MAP3K6: variants seen among roughly 807,000 people sequenced by gnomAD.
The protein encoded by MAP3K6 is apoptosis signal-regulating kinase 2.
Under a neutral mutation model 147.1 loss-of-function variants are expected in MAP3K6, and 105 were observed. The ratio of observed to expected loss-of-function variants is 0.71; its 90% CI spans 0.61 to 0.84. MAP3K6 has a LOEUF of 0.84. Among genes scored for constraint, MAP3K6 ranks in the 40% least tolerant of loss-of-function variants. The pLI is 0.00. For missense variants in MAP3K6, 1,569 were observed against 1,715.0 expected (o/e 0.91, Z 1.50); for synonymous variants, 695 against 732.4 (o/e 0.95, Z 0.82).
chr1:27,364,698 ACAGT>A lies in MAP3K6; in HGVS notation c.481-18_481-15del. On this transcript the variant is annotated splice_polypyrimidine_tract_variant and intron_variant, in intron 2 of 28. Transcript: ENST00000357582. The surrounding 1 kb of genome is among the most constrained non-coding windows in gnomAD (Gnocchi z 4.4). ...GAAAACATCCTCCTGCAGGAGGCAG[ACAGT>A]CAGATACTGGTGTTCTGTGTAGGCC... 2 of 1,614,154 alleles carry A rather than the reference ACAGT, an allele frequency of 1.2e-6. No individual in the cohort carries two copies. The highest frequency in any genetic ancestry group is 1.7e-6 in the Non-Finnish European group (2 of 1,180,012).
chr1:27,362,771 G>T lies in MAP3K6; in HGVS notation c.1143-18C>A. On this transcript the variant is annotated intron_variant, in intron 7 of 28. Transcript: ENST00000357582. Reference sequence around the variant, plus strand: ...TGCGATACCTGGGGTGGGGGTAGGGGGCACAGGGCTGGACTGATGCCCACA... The same window carrying T: ...TGCGATACCTGGGGTGGGGGTAGGGTGCACAGGGCTGGACTGATGCCCACA... 6.2e-7 allele frequency: 1 copy of T among 1,612,512 alleles called. No homozygotes were observed. Among genetic ancestry groups the T allele is most frequent in the African/African-American group, 1.3e-5 (1 of 75,020 alleles).
chr1:27,355,359 C>T lies in MAP3K6; in HGVS notation c.*32G>A, dbSNP rs773239731. On this transcript the variant is annotated 3_prime_UTR_variant, in exon 29 of 29. Coordinates refer to ENST00000357582, the MANE Select transcript of MAP3K6 (RefSeq NM_004672.5). ...TCCTCTCCATTCATCCATCCTTGGG[C>T]CTGTCTGGCCTATGATGCCCTCATT... The T allele has an allele frequency of 3.8e-6, 6 of 1,585,932 alleles. No individual in the cohort carries two copies. The highest frequency in any genetic ancestry group is 5.2e-6 in the Non-Finnish European group (6 of 1,154,476).
rs774203365 is a variant in MAP3K6, at chr1:27,361,760, A to AAGAAGTGGAGCC, written c.1511_1522dup (p.Trp504_Phe507dup). Reference sequence around the variant, plus strand: ...CTTGAATGGTTGGCAGGACTGTAGCAAGAAGTGGAGCCAGAAGTGGGCACG... The same window carrying AAGAAGTGGAGCC: ...CTTGAATGGTTGGCAGGACTGTAGCAAGAAGTGGAGCCAGAAGTGGAGCCAGAAGTGGGCACG... On this transcript the variant is annotated inframe_insertion, in exon 10 of 29. Transcript: ENST00000357582. The AAGAAGTGGAGCC allele has an allele frequency of 1.1e-5, 17 of 1,613,162 alleles. No individual in the cohort carries two copies. The highest frequency in any genetic ancestry group is 5.0e-5 in the Admixed American group (3 of 59,938).
Position 27,355,805 on chromosome 1 carries a change from G to A in MAP3K6, c.3712-60C>T, listed in dbSNP as rs908874026. On this transcript the variant is annotated intron_variant, in intron 27 of 28. Transcript: ENST00000357582. ...ATAAGAAATTACAGAAAGATGTGTC[G>A]AGACCCAGGTACTAGCTCTGCTCTG... is the stretch of plus-strand genomic sequence containing the variant. 66 of 1,511,516 alleles carry A rather than the reference G, an allele frequency of 4.4e-5. No homozygotes were observed. The South Asian group carries it at 5.8e-4, about 13-fold the overall frequency. The allele number at this position is 1,511,516 out of a possible 1,614,324, so 93.6% of individuals were successfully genotyped here. A position where few individuals can be genotyped will look rare whatever the true frequency, so the allele number is the denominator to read the frequency against.
chr1:27,355,247 C>G lies in MAP3K6; in HGVS notation c.*144G>C. On this transcript the variant is annotated 3_prime_UTR_variant, in exon 29 of 29. Transcript: ENST00000357582. ...GCTTGGGTGCCTGTGGTTGGTTTCT[C>G]TCACTGGAACCAGTCCTGGGCCCCA... The G allele has an allele frequency of 1.3e-6, 1 of 786,672 alleles. No individual in the cohort carries two copies. The allele number at this position is 786,672 out of a possible 1,614,324, so 48.7% of individuals were successfully genotyped here. A position where few individuals can be genotyped will look rare whatever the true frequency, so the allele number is the denominator to read the frequency against.
chr1:27,355,859 C>T, intron 27 of MAP3K6, 114 bp from the exon 28 acceptor site: 2 of 1,163,440 alleles, frequency 1.7e-6, no homozygotes, highest in South Asian at 1.3e-5. Flanking sequence ...AGATCACACC[C>T]TTCTGGGCCT....
rs1458639534 is a variant in MAP3K6, at chr1:27,361,168, CCCT to C, written c.1818_1820del (p.Gly607del). On this transcript the variant is annotated inframe_deletion, in exon 13 of 29. Coordinates refer to ENST00000357582, the MANE Select transcript of MAP3K6 (RefSeq NM_004672.5). ...GAAAGGCTGCGCACCACTGGCAGTG[CCCT>C]ACGCTGGGGAAGCACAGCTGGACGT... 14 of 1,610,470 alleles carry C rather than the reference CCCT, an allele frequency of 8.7e-6. No homozygotes were observed. The highest frequency in any genetic ancestry group is 1.7e-5 in the Admixed American group (1 of 59,474).
rs1300941196 is a variant in MAP3K6 at position 27,366,470 on chromosome 1, C to A, written c.128G>T (p.Arg43Leu). The A allele has an allele frequency of 3.4e-6, 4 of 1,160,404 alleles. No individual in the cohort carries two copies. The highest frequency in any genetic ancestry group is 4.2e-6 in the Non-Finnish European group (4 of 942,682). 71.9% of individuals were successfully genotyped at this position (1,160,404 alleles called of 1,614,324 possible). ...APPGRGCARS[R>L]PLSVVYVLTR... ...CAGCACGTAGACCACGCTGAGCGGC[C>A]GGCTCCGCGCGCAGCCCCGGCCCGG... Residue 43 changes from arginine (R) to leucine (L), a missense_variant, in exon 1 of 29, where the codon CGG (arginine) becomes CTG (leucine). By Grantham distance (102) the Arg-to-Leu change is moderately radical (BLOSUM62 -2). Transcript: ENST00000357582. The surrounding 1 kb of genome is among the most constrained non-coding windows in gnomAD (Gnocchi z 5.5).
In MAP3K6 at chr1:27,364,616, C is replaced by T. The variant is rs376074584; in HGVS notation, c.504+45G>A. ...GATTAGTGGAGGTCAGAGGTCATAGCGGAAGTCAAAGGGCACTTTTGAGTG... is the reference window on the plus strand; with the variant it reads ...GATTAGTGGAGGTCAGAGGTCATAGTGGAAGTCAAAGGGCACTTTTGAGTG... On this transcript the variant is annotated intron_variant, in intron 3 of 28. Transcript: ENST00000357582. This position sits in a 1 kb window ranked among gnomAD's most constrained non-coding sequence, Gnocchi z 4.4. The T allele has an allele frequency of 1.3e-4, 202 of 1,613,744 alleles. No homozygotes were observed. The highest frequency in any genetic ancestry group is 1.6e-4 in the Middle Eastern group (1 of 6,084).
chr1:27,361,927 G>C, intron 9 of MAP3K6, 60 bp from the exon 10 acceptor site: 1 of 1,495,142 alleles, frequency 6.7e-7, no homozygotes, highest in Non-Finnish European at 8.9e-7. Flanking sequence ...GCCAGGGAGA[G>C]GAAACTGGCC....
Position 27,364,361 on chromosome 1 carries a change from C to T in MAP3K6, c.538G>A (p.Val180Met). 5 of 1,614,140 alleles carry T rather than the reference C, an allele frequency of 3.1e-6. No homozygotes were observed. Among genetic ancestry groups the T allele is most frequent in the Admixed American group, 3.3e-5 (2 of 60,030 alleles). ...AGCACCCGACCAGTGGCCGTCACCA[C>T]ATAGGGGATCAGTGTGTAGCTGCCA... ...CVGSYTLIPY[V>M]VTATGRVLCG... The change falls in exon 4 of 29, where the codon GTG becomes ATG. Residue 180 changes from valine to methionine, a missense_variant. Physicochemically the swap from Val to Met is conservative, Grantham distance 21 (BLOSUM62 1). Coordinates refer to ENST00000357582, the MANE Select transcript of MAP3K6 (RefSeq NM_004672.5). The surrounding 1 kb of genome is among the most constrained non-coding windows in gnomAD (Gnocchi z 4.4).
In MAP3K6 at chr1:27,361,165, G is replaced by C. The variant is rs2015748736; in HGVS notation, c.1824C>G (p.His608Gln). The change falls in exon 13 of 29, where the codon CAC becomes CAG. Residue 608 changes from histidine to glutamine, a missense_variant. His to Gln is a conservative substitution (Grantham distance 24). Transcript: ENST00000357582. ...CATGAAAGGCTGCGCACCACTGGCA[G>C]TGCCCTACGCTGGGGAAGCACAGCT... The part of the protein sequence containing the change: ...DVQLCFPSVG[H>Q]CQWFCGLIQA... The C allele has an allele frequency of 1.2e-6, 2 of 1,610,090 alleles. No individual in the cohort carries two copies. The highest frequency in any genetic ancestry group is 1.7e-4 in the Middle Eastern group (1 of 6,020).
chr1:27,362,446 T>C (rs552192041), intron 8 of MAP3K6, among the ~76,000 whole-genome samples, 195 bp downstream of exon 8: 1 of 152,158 alleles, frequency 6.6e-6, no homozygotes, highest in South Asian at 2.1e-4. Flanking sequence ...AGATGTGAGT[T>C]TGGGAACATT....
At position 27,355,307 on chromosome 1, in the gene MAP3K6, G is replaced by T. The variant is rs780685706; in HGVS notation, c.*84C>A. On this transcript the variant is annotated 3_prime_UTR_variant, in exon 29 of 29. Coordinates refer to ENST00000357582, the MANE Select transcript of MAP3K6 (RefSeq NM_004672.5). The stretch of plus-strand genomic sequence containing the variant: ...CTTCCTCCAGTCGCCCCAGGTCCTG[G>T]GGCTGGTGTGTCAGAAGCTGCCTTT... The T allele has an allele frequency of 8.4e-6, 11 of 1,315,090 alleles. No homozygotes were observed. Among genetic ancestry groups the T allele is most frequent in the Non-Finnish European group, 1.2e-5 (11 of 907,398 alleles). The allele number at this position is 1,315,090 out of a possible 1,614,324, so 81.5% of individuals were successfully genotyped here.
At chr1:27,356,920 C>T in intron 24 of MAP3K6, 89 bp downstream of exon 24, 1 of 1,467,548 alleles carries the variant, frequency 6.8e-7, no homozygotes, top group South Asian at 1.2e-5. Flanking sequence ...CCTGTCCCGC[C>T]TGGCCCCCAC....
chr1:27,359,921 G>C lies in MAP3K6; in HGVS notation c.2256C>G (p.Thr752=). Residue 752 remains threonine (T), a synonymous_variant, in exon 17 of 29, where the codon ACC becomes ACG. Coordinates refer to ENST00000357582, the MANE Select transcript of MAP3K6 (RefSeq NM_004672.5). This position sits in a 1 kb window ranked among gnomAD's most constrained non-coding sequence, Gnocchi z 4.4. ...KDNESTISFY[T]RQILQGLGYL... is the part of the protein sequence containing the mutation. Reference sequence around the variant, plus strand: ...AGCCAAGTCCCTGCAGGATCTGGCGGGTGTAGAAACTGATGGTGCTCTCGT... The same window carrying C: ...AGCCAAGTCCCTGCAGGATCTGGCGCGTGTAGAAACTGATGGTGCTCTCGT... 2 of 1,614,122 alleles carry C rather than the reference G, an allele frequency of 1.2e-6. No homozygotes were observed. The highest frequency in any genetic ancestry group is 1.7e-6 in the Non-Finnish European group (2 of 1,180,002).
In MAP3K6 at chr1:27,364,160, C is replaced by A; in HGVS notation, c.695+44G>T. ...CCTCAGCCCCAGCCCACCATACCCT[C>A]ACCAGCCCCCTCCTGGAGCACCCTC... On this transcript the variant is annotated intron_variant, in intron 4 of 28. Transcript: ENST00000357582. The surrounding 1 kb of genome is among the most constrained non-coding windows in gnomAD (Gnocchi z 4.4). 6.2e-7 allele frequency: 1 copy of A among 1,600,038 alleles called. No homozygotes were observed. The highest frequency in any genetic ancestry group is 1.1e-5 in the South Asian group (1 of 89,848).
chr1:27,361,579 C>A lies in MAP3K6; in HGVS notation c.1627G>T (p.Val543Phe). The change falls in exon 11 of 29, where the codon GTT (valine) becomes TTT (phenylalanine). Residue 543 changes from valine to phenylalanine, a missense_variant. Physicochemically the swap from Val to Phe is conservative, Grantham distance 50. Transcript: ENST00000357582. Reference sequence around the variant, plus strand: ...GTGCTTACTGGGTCAGTACCCCGAACCTCGAGCTTTGCAGGCAGCAGCACC... The same window carrying A: ...GTGCTTACTGGGTCAGTACCCCGAAACTCGAGCTTTGCAGGCAGCAGCACC... ...NKVLLPAKLE[V>F]RGTDPVSTVT... 1 of 1,614,194 alleles carries A rather than the reference C, an allele frequency of 6.2e-7. No homozygotes were observed. Among genetic ancestry groups the A allele is most frequent in the Non-Finnish European group, 8.5e-7 (1 of 1,180,046 alleles).
chr1:27,360,978 C>A lies in MAP3K6; in HGVS notation c.1863G>T (p.Thr621=). 1 of 1,605,442 alleles carries A rather than the reference C, an allele frequency of 6.2e-7. No homozygotes were observed. Among genetic ancestry groups the A allele is most frequent in the Non-Finnish European group, 8.5e-7 (1 of 1,175,750 alleles). Reference sequence around the variant, plus strand: ...CCGCGGGCGCCGTGGAATCCGGGTTCGTCACCCAGGCCTGGATCAGGCCGC... The same window carrying A: ...CCGCGGGCGCCGTGGAATCCGGGTTAGTCACCCAGGCCTGGATCAGGCCGC... The part of the protein sequence containing the change: ...WFCGLIQAWV[T]NPDSTAPAEE... The change falls in exon 14 of 29, where the codon ACG becomes ACT. Residue 621 remains threonine (T), a synonymous_variant. Coordinates refer to ENST00000357582, the MANE Select transcript of MAP3K6 (RefSeq NM_004672.5). This position sits in a 1 kb window ranked among gnomAD's most constrained non-coding sequence, Gnocchi z 4.5.
Sources: allele counts gnomAD v4.1 joint callset (sites outside exome capture counted in the v4.1 genomes callset), GRCh38; gene constraint gnomAD v4.1.1; non-coding constraint Gnocchi (gnomAD v3.1); transcripts MANE v1.5; gene names NCBI Gene and HGNC (gene_info 2026-07-23, HGNC 2026-07-21).